GATAD2B: variants seen among roughly 807,000 people sequenced by gnomAD.
The protein encoded by GATAD2B is transcriptional repressor p66-beta.
A neutral mutation model predicts 64.3 loss-of-function variants in GATAD2B; 8 were observed. The ratio of observed to expected loss-of-function variants is 0.12; its 90% CI spans 0.07 to 0.22. GATAD2B has a LOEUF of 0.22. Among genes scored for constraint, GATAD2B ranks in the 10% least tolerant of loss-of-function variants. The pLI is 1.00. For synonymous variants in GATAD2B, 281 were observed against 271.3 expected, an observed-to-expected ratio of 1.04 and a Z score of -0.35; for missense variants, 453 against 752.0, an observed-to-expected ratio of 0.60 and a Z score of 4.65.
Position 153,816,152 on chromosome 1 carries a change from G to A in GATAD2B, c.1216+121C>T, listed in dbSNP as rs1445643107. ...ACAGCTGTAAAGAAGGGAGGGAGGT[G>A]GTTTGGTAACAGGAAGGAGAAGTTA... On this transcript the variant is annotated intron_variant, in intron 7 of 10. Coordinates refer to ENST00000368655, the MANE Select transcript of GATAD2B (RefSeq NM_020699.4). This position sits in a 1 kb window ranked among gnomAD's most constrained non-coding sequence, Gnocchi z 4.9. 1.5e-6 allele frequency: 1 copy of A among 657,200 alleles called. No individual in the cohort carries two copies. Among genetic ancestry groups the A allele is most frequent in the Admixed American group, 2.7e-5 (1 of 37,104 alleles). The allele number at this position is 657,200 out of a possible 1,614,324, so 40.7% of individuals were successfully genotyped here.
At chr1:153,858,143 G>A (rs1349918427) in intron 1 of GATAD2B, among the ~76,000 whole-genome samples, 3 of 152,110 alleles carry the variant, frequency 2.0e-5, no homozygotes, top group Non-Finnish European at 2.9e-5. Flanking sequence ...CTATAAGGTT[G>A]TTCTTTCTTC....
intron 1 of GATAD2B, among the ~76,000 whole-genome samples, chr1:153,842,173 G>A (rs1675519648): frequency 6.6e-6 from 1 of 152,176 alleles, no homozygotes; most frequent in Admixed American, 6.5e-5. Context: ...CATTTGGATA[G>A]GTGTGTGGTA....
chr1:153,824,706 T>C (rs1674808625), intron 2 of GATAD2B, among the ~76,000 whole-genome samples: 1 of 142,422 alleles, frequency 7.0e-6, no homozygotes, highest in African/African-American at 2.6e-5. Flanking sequence ...ACAATTCCAA[T>C]ACCATTAATA....
chr1:153,863,920 C>T (rs1472023013), intron 1 of GATAD2B, among the ~76,000 whole-genome samples: 3 of 152,046 alleles, frequency 2.0e-5, no homozygotes, highest in Non-Finnish European at 2.9e-5. Context: ...CCACCACGCC[C>T]GGCCTAAAAA....
At chr1:153,817,958 T>C in intron 5 of GATAD2B, 82 bp downstream of exon 5, 1 of 1,276,040 alleles carries the variant, frequency 7.8e-7, no homozygotes, top group Non-Finnish European at 1.1e-6. Context: ...CAGGTTCTTC[T>C]ATAATCTTCA....
At position 153,922,920 on chromosome 1, in the gene GATAD2B, A is replaced by AGCGGCGGCGGCGACG. The variant is rs1678510325; in HGVS notation, c.-204_-190dup. The AGCGGCGGCGGCGACG allele has an allele frequency of 6.4e-6, 1 of 156,024 alleles. No individual in the cohort carries two copies. The highest frequency in any genetic ancestry group is 1.4e-5 in the Non-Finnish European group (1 of 70,586). The allele number at this position is 156,024 out of a possible 1,614,324, so 9.7% of individuals were successfully genotyped here. A position where few individuals can be genotyped will look rare whatever the true frequency, so the allele number is the denominator to read the frequency against. ...CAGACACTGCGGTACAGACGGGGGC[A>AGCGGCGGCGGCGACG]GCGGCGGCGGCGACGGCTGCACCGG... On this transcript the variant is annotated 5_prime_UTR_variant, in exon 1 of 11. Coordinates refer to ENST00000368655, the MANE Select transcript of GATAD2B (RefSeq NM_020699.4).
At chr1:153,818,314 CTTTT>C (rs35175263) in intron 4 of GATAD2B, 143 bp from the exon 5 acceptor site, 2,457 of 317,992 alleles carry the variant, frequency 7.7e-3, no homozygotes, top group Middle Eastern at 0.013. Flanking sequence ...TCAAGGTTTT[CTTTT>C]TTTTTTTTTT....
chr1:153,881,087 A>T (rs958433408), intron 1 of GATAD2B, among the ~76,000 whole-genome samples: 4 of 152,054 alleles, frequency 2.6e-5, no homozygotes, highest in African/African-American at 9.7e-5. Flanking sequence ...AGACTTCCTT[A>T]TATAATGGCC....
chr1:153,841,576 T>C (rs1675498284), intron 1 of GATAD2B, among the ~76,000 whole-genome samples: 1 of 152,208 alleles, frequency 6.6e-6, no homozygotes, highest in South Asian at 2.1e-4. Context: ...ACTGGCCTTT[T>C]TCACTTAGGA....
At chr1:153,887,982 G>C (rs1424875881) in intron 1 of GATAD2B, among the ~76,000 whole-genome samples, 1 of 151,888 alleles carries the variant, frequency 6.6e-6, no homozygotes, top group Non-Finnish European at 1.5e-5. Context: ...AGCTAATCAG[G>C]AGGTTAAGGC....
chr1:153,833,811 C>CAAAAAAAA (rs71093292), intron 1 of GATAD2B, among the ~76,000 whole-genome samples: 2 of 61,946 alleles, frequency 3.2e-5, no homozygotes, highest in African/African-American at 5.9e-5. Flanking sequence ...ACTCAGTCTC[C>CAAAAAAAA]AAAAAAAAAA....
chr1:153,810,230 A>G lies in GATAD2B; in HGVS notation c.1729T>C (p.Leu577=), dbSNP rs754224625. 21 of 1,613,318 alleles carry G rather than the reference A, an allele frequency of 1.3e-5. No individual in the cohort carries two copies. Among genetic ancestry groups the G allele is most frequent in the Non-Finnish European group, 1.3e-5 (15 of 1,179,694 alleles). The change falls in exon 11 of 11, where the codon TTA becomes CTA. Residue 577 remains leucine, a synonymous_variant. Coordinates refer to ENST00000368655, the MANE Select transcript of GATAD2B (RefSeq NM_020699.4). ...SLADRQREYL[L]DMIPPRSISQ... is the part of the protein sequence containing the mutation. ...ATAGACCGGGGAGGGATCATGTCTA[A>G]AAGGTATTCACGCTGTCGGTCTGCC...
At chr1:153,912,199 G>A (rs562257316) in intron 1 of GATAD2B, among the ~76,000 whole-genome samples, 13 of 152,132 alleles carry the variant, frequency 8.5e-5, no homozygotes, top group Non-Finnish European at 5.9e-5. Flanking sequence ...CATAAAGGGT[G>A]GTACCTATAT....
In GATAD2B at chr1:153,872,316, C is replaced by CAA. The variant is rs779386978; in HGVS notation, c.-1-43970_-1-43969dup. On this transcript the variant is annotated intron_variant, in intron 1 of 10. Transcript: ENST00000368655. ...CCTGGGTGACAGAGGACTCTGTCTC[C>CAA]AAAAAAAAAAAAAAAAAAAAGCAAC... 4.5e-3 allele frequency among the ~76,000 whole-genome samples: 263 copies of CAA among 58,598 alleles called. 6 individuals are homozygous for CAA. Among genetic ancestry groups the CAA allele is most frequent in the African/African-American group, 0.012 (199 of 16,590 alleles). 38.4% of individuals were successfully genotyped at this position (58,598 alleles called of 152,430 possible).
At chr1:153,823,360 C>G (rs1447954891) in intron 2 of GATAD2B, among the ~76,000 whole-genome samples, 1 of 152,204 alleles carries the variant, frequency 6.6e-6, no homozygotes, top group East Asian at 1.9e-4. Context: ...ACTGCTGTGT[C>G]TCTCTAGAAT....
chr1:153,825,797 C>T (rs889077359), intron 2 of GATAD2B, among the ~76,000 whole-genome samples: 1 of 152,086 alleles, frequency 6.6e-6, no homozygotes, highest in African/African-American at 2.4e-5. Flanking sequence ...TGGGACAAGA[C>T]CAGTAAGTAG....
intron 1 of GATAD2B, among the ~76,000 whole-genome samples, chr1:153,913,060 C>G (rs1571009598): frequency 6.6e-6 from 1 of 152,094 alleles, no homozygotes; most frequent in East Asian, 1.9e-4. Context: ...TGCACTCCAG[C>G]CTGGGCAACA....
intron 1 of GATAD2B, chr1:153,852,441 G>A: frequency 2.6e-6 from 2 of 761,468 alleles, no homozygotes; most frequent in Non-Finnish European, 4.9e-6. Flanking sequence ...GTGGCATGTG[G>A]TCTGGAGCTG....
chr1:153,880,349 C>G (rs1351718342), intron 1 of GATAD2B, among the ~76,000 whole-genome samples: 1 of 151,992 alleles, frequency 6.6e-6, no homozygotes, highest in Non-Finnish European at 1.5e-5. Flanking sequence ...CACCTGTAAT[C>G]TCAGCTTCTC....
Sources: gnomAD v4.1 joint callset for allele counts (sites outside exome capture counted in the v4.1 genomes callset) on GRCh38, gnomAD v4.1.1 for gene constraint, Gnocchi (gnomAD v3.1) non-coding constraint, MANE v1.5 for transcripts, NCBI Gene and HGNC (gene_info 2026-07-23, HGNC 2026-07-21) for gene names.